KAZN: variants seen among roughly 807,000 people sequenced by gnomAD.
The protein encoded by KAZN is kazrin, periplakin interacting protein.
Under a neutral mutation model 87.4 loss-of-function variants are expected in KAZN, and 40 were observed. The observed-to-expected ratio is 0.46, with a 90% CI of 0.36 to 0.60. The LOEUF (loss-of-function observed/expected upper bound fraction) is 0.60, where lower values mean the gene tolerates loss of function less well. Ranked by LOEUF, KAZN falls within the 20% of genes least tolerant of loss-of-function variation. KAZN has a pLI of 0.00. For synonymous variants in KAZN, 466 were observed against 458.3 expected (o/e 1.02, Z -0.22); for missense variants, 898 against 1,073.9 (o/e 0.84, Z 2.29).
At chr1:14,878,209 A>C (rs1652974888) in intron 1 of KAZN, among the ~76,000 whole-genome samples, 1 of 152,146 alleles carries the variant, frequency 6.6e-6, no homozygotes, top group South Asian at 2.1e-4. Context: ...CCTGAAGGCC[A>C]CTTATCACCC....
At chr1:14,535,415 C>G (rs767441176) in intron 2 of KAZN, among the ~76,000 whole-genome samples, 5 of 152,216 alleles carry the variant, frequency 3.3e-5, no homozygotes, top group Admixed American at 6.5e-5. Flanking sequence ...CGCCTGTAAT[C>G]CCAGCACTTT....
At chr1:14,897,777 C>A (rs1264624556) in intron 1 of KAZN, among the ~76,000 whole-genome samples, 1 of 152,134 alleles carries the variant, frequency 6.6e-6, no homozygotes, top group Non-Finnish European at 1.5e-5. Context: ...TGAAGAAAAT[C>A]CAGCCTTCTG....
intron 2 of KAZN, among the ~76,000 whole-genome samples, chr1:14,381,288 G>A (rs1661345545): frequency 6.6e-6 from 1 of 152,028 alleles, no homozygotes; most frequent in Admixed American, 6.6e-5. Context: ...AGAGAGAGAT[G>A]CAACCTACAA....
At chr1:14,816,914 T>C (rs1167957652) in intron 1 of KAZN, among the ~76,000 whole-genome samples, 1 of 152,030 alleles carries the variant, frequency 6.6e-6, no homozygotes, top group Non-Finnish European at 1.5e-5. Context: ...GGGACAGAGA[T>C]CAAAAGAATT....
chr1:14,203,885 A>G (rs1646689168), intron 2 of KAZN, among the ~76,000 whole-genome samples: 1 of 152,232 alleles, frequency 6.6e-6, no homozygotes, highest in Admixed American at 6.5e-5. Flanking sequence ...TGCAGCTGCC[A>G]TTATGGTCAG....
chr1:14,601,923 A>G (rs1294766570), intron 1 of KAZN, among the ~76,000 whole-genome samples: 1 of 152,256 alleles, frequency 6.6e-6, no homozygotes, highest in Non-Finnish European at 1.5e-5. Flanking sequence ...TAACAATATT[A>G]GTACAAATGG....
At chr1:14,134,518 G>A (rs892328266) in intron 1 of KAZN, among the ~76,000 whole-genome samples, 9 of 152,086 alleles carry the variant, frequency 5.9e-5, no homozygotes, top group African/African-American at 1.9e-4. Flanking sequence ...AAACTCATGC[G>A]GCCATACAGG....
intron 2 of KAZN, among the ~76,000 whole-genome samples, chr1:14,227,373 G>A (rs1352305496): frequency 3.9e-5 from 6 of 152,084 alleles, no homozygotes; most frequent in Non-Finnish European, 5.9e-5. Context: ...GGGATGGGTC[G>A]AGTGCCAGGA....
At chr1:14,323,384 T>C (rs1420449867) in intron 2 of KAZN, among the ~76,000 whole-genome samples, 1 of 152,072 alleles carries the variant, frequency 6.6e-6, no homozygotes, top group Non-Finnish European at 1.5e-5. Context: ...AGGCTAATGT[T>C]CTGGTCACCA....
rs368189727 is a variant in KAZN at position 14,071,015 on chromosome 1, T to C, written c.92-109420T>C. On this transcript the variant is annotated intron_variant, in intron 1 of 16. Coordinates refer to the KAZN transcript ENST00000636203. ...CCTGAGTCTCCCTGACTGCAGCCCA[T>C]GGGTAATTCTCTTTCACTGGGCTGA... Among the ~76,000 whole-genome samples, 379 of 152,188 alleles carry C rather than the reference T, an allele frequency of 2.5e-3. 2 individuals are homozygous for C. Among genetic ancestry groups the C allele is most frequent in the African/African-American group, 8.6e-3 (358 of 41,506 alleles).
intron 2 of KAZN, among the ~76,000 whole-genome samples, chr1:14,529,955 A>G (rs1262716622): frequency 6.6e-6 from 1 of 152,228 alleles, no homozygotes; most frequent in Non-Finnish European, 1.5e-5. Flanking sequence ...AGAACACAGC[A>G]TAGGAAAGGT....
At chr1:14,467,045 T>C (rs1668197289) in intron 2 of KAZN, among the ~76,000 whole-genome samples, 1 of 152,124 alleles carries the variant, frequency 6.6e-6, no homozygotes, top group Non-Finnish European at 1.5e-5. Context: ...TTAGTAAACA[T>C]AAAAGACAGT....
intron 1 of KAZN, among the ~76,000 whole-genome samples, chr1:14,729,749 G>A (rs1045988309): frequency 3.9e-5 from 6 of 152,130 alleles, no homozygotes; most frequent in Admixed American, 6.6e-5. Flanking sequence ...CTCACTAACC[G>A]AATAACAACA....
chr1:14,080,064 A>AT (rs1382753147), intron 1 of KAZN, among the ~76,000 whole-genome samples: 2 of 123,026 alleles, frequency 1.6e-5, no homozygotes, highest in Non-Finnish European at 3.5e-5. Flanking sequence ...CAACAGATGA[A>AT]TTTTGGGGGG....
At chr1:14,543,135 T>C (rs917165776) in intron 2 of KAZN, among the ~76,000 whole-genome samples, 44 of 152,188 alleles carry the variant, frequency 2.9e-4, no homozygotes, top group African/African-American at 9.2e-4. Context: ...TCACCTTTAA[T>C]TGGGCTATAT....
At chr1:14,278,728 C>T (rs1433485806) in intron 2 of KAZN, among the ~76,000 whole-genome samples, 1 of 152,126 alleles carries the variant, frequency 6.6e-6, no homozygotes, top group Non-Finnish European at 1.5e-5. Flanking sequence ...TTTCCTAAGA[C>T]TTTTTACCTC....
rs74566560 is a variant in KAZN at position 14,634,799 on chromosome 1, G to A, written c.226+35576G>A. Among the ~76,000 whole-genome samples, 5 of 152,278 alleles carry A rather than the reference G, an allele frequency of 3.3e-5. No individual in the cohort carries two copies. In the East Asian group the frequency reaches 7.7e-4, roughly 24 times the overall value. ...AGAATGCACAGTCCGTTTTTCTTCTGCAATCAGTGAACACCTCTTCCTCAG... is the reference window on the plus strand; with the variant it reads ...AGAATGCACAGTCCGTTTTTCTTCTACAATCAGTGAACACCTCTTCCTCAG... On this transcript the variant is annotated intron_variant, in intron 1 of 14. Transcript: ENST00000376030.
At chr1:15,083,978 C>T (rs563760807) in intron 8 of KAZN, among the ~76,000 whole-genome samples, 7 of 152,234 alleles carry the variant, frequency 4.6e-5, no homozygotes, top group Non-Finnish European at 1.0e-4. Flanking sequence ...CGGGGGACCC[C>T]TCTGAGCCTT....
At chr1:14,404,345 T>C (rs184200013) in intron 2 of KAZN, among the ~76,000 whole-genome samples, 1 of 152,304 alleles carries the variant, frequency 6.6e-6, no homozygotes, top group East Asian at 1.9e-4. Flanking sequence ...AGCTCGATTT[T>C]TCAGGCTGCT....
Sources: gnomAD v4.1 joint callset for allele counts (sites outside exome capture counted in the v4.1 genomes callset) on GRCh38, gnomAD v4.1.1 for gene constraint, MANE v1.5 for transcripts, NCBI Gene and HGNC (gene_info 2026-07-23, HGNC 2026-07-21) for gene names.